The following PRKCE variants were observed in gnomAD, a reference collection of about 807,000 sequenced individuals.
PRKCE encodes the protein protein kinase C epsilon.
A neutral mutation model predicts 85.4 loss-of-function variants in PRKCE; 16 were observed. That is an observed-to-expected ratio of 0.19 (90% confidence interval 0.13 to 0.28). PRKCE has a LOEUF of 0.28. Ranked by LOEUF, PRKCE falls within the 10% of genes least tolerant of loss-of-function variation. PRKCE has a pLI of 1.00. For synonymous variants in PRKCE, 388 were observed against 371.5 expected (o/e 1.04, Z -0.51); for missense variants, 573 against 975.2 (o/e 0.59, Z 5.49).
intron 14 of PRKCE, among the ~76,000 whole-genome samples, chr2:46,172,688 G>A (rs1490979484): frequency 2.0e-5 from 3 of 152,202 alleles, no homozygotes; most frequent in Non-Finnish European, 4.4e-5. Flanking sequence ...TCTACATCCG[G>A]GGGAGTGTTC....
chr2:45,740,382 A>G (rs1171376877), intron 1 of PRKCE, among the ~76,000 whole-genome samples: 2 of 152,206 alleles, frequency 1.3e-5, no homozygotes, highest in Non-Finnish European at 2.9e-5. Flanking sequence ...CCAATTCTGT[A>G]GCAAGAATGA....
rs1704504135 is a variant in PRKCE, at chr2:45,999,603, G to A, written c.824-1801G>A. Among the ~76,000 whole-genome samples the A allele has an allele frequency of 2.0e-5, 3 of 151,916 alleles. No homozygotes were observed. The South Asian group carries it at 6.2e-4, about 32-fold the overall frequency. On this transcript the variant is annotated intron_variant, in intron 6 of 14. Coordinates refer to ENST00000306156, the MANE Select transcript of PRKCE (RefSeq NM_005400.3). ...TTCTTTTTGGCATTTATCCTGTGTGGTGTTCTTCAAGCTTCCTGGAGCTGT... is the reference window on the plus strand; with the variant it reads ...TTCTTTTTGGCATTTATCCTGTGTGATGTTCTTCAAGCTTCCTGGAGCTGT...
At chr2:46,088,599 A>C (rs561420337) in intron 11 of PRKCE, among the ~76,000 whole-genome samples, 1 of 152,216 alleles carries the variant, frequency 6.6e-6, no homozygotes, top group African/African-American at 2.4e-5. Context: ...TGATTTGTGC[A>C]TAATGAATAT....
At chr2:45,935,067 T>TCTCACACACACA (rs34264556) in intron 2 of PRKCE, among the ~76,000 whole-genome samples, 10 of 146,356 alleles carry the variant, frequency 6.8e-5, no homozygotes, top group African/African-American at 2.3e-4. Flanking sequence ...ACTCTCTCTC[T>TCTCACACACACA]CACACACACA....
At chr2:45,820,586 G>A (rs1689450970) in intron 1 of PRKCE, among the ~76,000 whole-genome samples, 2 of 152,174 alleles carry the variant, frequency 1.3e-5, no homozygotes, top group Non-Finnish European at 2.9e-5. Flanking sequence ...ACTCGTGACA[G>A]CAGGAATCAC....
At chr2:45,721,878 T>TAA (rs747265509) in intron 1 of PRKCE, among the ~76,000 whole-genome samples, 1 of 136,244 alleles carries the variant, frequency 7.3e-6, no homozygotes, top group Non-Finnish European at 1.6e-5. Context: ...CCCTGACTCT[T>TAA]AAAAAAAAAA....
rs146922633 is a variant in PRKCE, at chr2:46,055,361, A to C, written c.1438-30847A>C. Among the ~76,000 whole-genome samples the C allele has an allele frequency of 1.6e-3, 242 of 152,296 alleles. 7 individuals are homozygous for C. Among genetic ancestry groups the C allele is most frequent in the Admixed American group, 0.015 (224 of 15,300 alleles). The stretch of plus-strand genomic sequence containing the variant: ...GAACTCAGCGGGACCAGGTGAGTGG[A>C]GTCTGCCCCTGCCAGCACCGAAGCG... On this transcript the variant is annotated intron_variant, in intron 10 of 14. Coordinates refer to ENST00000306156, the MANE Select transcript of PRKCE (RefSeq NM_005400.3).
At chr2:46,174,966 CAG>C (rs1375074945) in intron 14 of PRKCE, among the ~76,000 whole-genome samples, 7 of 152,124 alleles carry the variant, frequency 4.6e-5, no homozygotes, top group African/African-American at 1.7e-4. Context: ...GCTGGGATTA[CAG>C]GCATGAACCA....
intron 1 of PRKCE, among the ~76,000 whole-genome samples, chr2:45,802,643 T>C (rs79103060): frequency 0.036 from 5,463 of 152,238 alleles, 206 homozygotes; most frequent in East Asian, 0.092. Context: ...TCCAGGGAAG[T>C]CAGTCACTTT....
rs1166844604 is a variant in PRKCE, at chr2:46,184,225, C to T, written c.2068-510C>T. ...AAATACTGGAGCACAAAATTGGGTTCGTGGTGAGAGTAAGTGGAAATCGAG... is the reference window on the plus strand; with the variant it reads ...AAATACTGGAGCACAAAATTGGGTTTGTGGTGAGAGTAAGTGGAAATCGAG... On this transcript the variant is annotated intron_variant, in intron 14 of 14. Transcript: ENST00000306156. The surrounding 1 kb of genome is among the most constrained non-coding windows in gnomAD (Gnocchi z 5.0). Among the ~76,000 whole-genome samples the T allele has an allele frequency of 6.6e-6, 1 of 152,028 alleles. No individual in the cohort carries two copies. Among genetic ancestry groups the T allele is most frequent in the East Asian group, 1.9e-4 (1 of 5,196 alleles).
At chr2:45,888,241 G>C (rs1036607624) in intron 2 of PRKCE, among the ~76,000 whole-genome samples, 1 of 152,174 alleles carries the variant, frequency 6.6e-6, no homozygotes, top group Non-Finnish European at 1.5e-5. Context: ...TTAAGCTGTA[G>C]TTGCAACAGC....
intron 10 of PRKCE, among the ~76,000 whole-genome samples, chr2:46,020,932 G>C (rs756493773): frequency 1.3e-5 from 2 of 152,246 alleles, no homozygotes; most frequent in African/African-American, 2.4e-5. Context: ...AGTCCCATGG[G>C]ATGTAGGTAT....
In PRKCE at chr2:46,001,425, G is replaced by A. The variant is rs372163409; in HGVS notation, c.845G>A (p.Arg282His). ...QCKVCKMNVHRRCETNVAPNC... is the reference protein window; with the variant it reads ...QCKVCKMNVHHRCETNVAPNC... ...ACAGTCTGCAAAATGAATGTTCACC[G>A]TCGATGTGAGACCAACGTGGCTCCC... The change falls in exon 7 of 15, where the codon CGT becomes CAT. Residue 282 changes from arginine to histidine, a missense_variant. Physicochemically the swap from Arg to His is conservative, Grantham distance 29. Around this residue, in one of 11 missense-constraint regions of PRKCE, gnomAD observed 55 missense variants for 128.1 expected, o/e 0.43. Transcript: ENST00000306156. The surrounding 1 kb of genome is among the most constrained non-coding windows in gnomAD (Gnocchi z 4.4). 62 of 1,598,988 alleles carry A rather than the reference G, an allele frequency of 3.9e-5. No homozygotes were observed. The highest frequency in any genetic ancestry group is 1.6e-4 in the Middle Eastern group (1 of 6,082).
At chr2:45,964,174 A>G (rs1045163461) in intron 2 of PRKCE, among the ~76,000 whole-genome samples, 2 of 152,070 alleles carry the variant, frequency 1.3e-5, no homozygotes, top group African/African-American at 2.4e-5. Context: ...GTCCCACTCT[A>G]CTCGGCACAT....
chr2:45,803,670 C>G (rs921170370), intron 1 of PRKCE, among the ~76,000 whole-genome samples: 3 of 152,178 alleles, frequency 2.0e-5, no homozygotes, highest in Non-Finnish European at 4.4e-5. Flanking sequence ...TCAAGGACTT[C>G]TTACCATCCT....
chr2:45,823,226 G>A (rs1689679113), intron 1 of PRKCE, among the ~76,000 whole-genome samples: 1 of 152,214 alleles, frequency 6.6e-6, no homozygotes. Context: ...TAAGGCTTGA[G>A]AAGTTTGTCC....
intron 1 of PRKCE, among the ~76,000 whole-genome samples, chr2:45,717,043 AG>A (rs1680185211): frequency 2.5e-4 from 1 of 3,936 alleles, no homozygotes; most frequent in Admixed American, 2.2e-3. Context: ...GGGTACTACA[AG>A]ATGAGATGAG....
At chr2:45,734,165 G>T (rs1681838021) in intron 1 of PRKCE, among the ~76,000 whole-genome samples, 1 of 152,122 alleles carries the variant, frequency 6.6e-6, no homozygotes, top group African/African-American at 2.4e-5. Flanking sequence ...AATAGATTGA[G>T]ACCATCCTGG....
At position 45,987,652 on chromosome 2, in the gene PRKCE, C is replaced by G. The variant is rs1332474386; in HGVS notation, c.823+2972C>G. Among the ~76,000 whole-genome samples, 15 of 152,190 alleles carry G rather than the reference C, an allele frequency of 9.9e-5. 2 individuals carry two copies. In the Middle Eastern group the frequency reaches 0.02, roughly 207 times the overall value. ...CACGTGCACAGCCACGGAACCTGCACAGCACATCATTATCACTCACAGTCT... is the reference window on the plus strand; with the variant it reads ...CACGTGCACAGCCACGGAACCTGCAGAGCACATCATTATCACTCACAGTCT... On this transcript the variant is annotated intron_variant, in intron 6 of 14. Coordinates refer to ENST00000306156, the MANE Select transcript of PRKCE (RefSeq NM_005400.3).
Sources: allele counts gnomAD v4.1 joint callset (sites outside exome capture counted in the v4.1 genomes callset), GRCh38; gene constraint gnomAD v4.1.1; regional missense constraint gnomAD v4.1.1; non-coding constraint Gnocchi (gnomAD v3.1); transcripts MANE v1.5; gene names NCBI Gene and HGNC (gene_info 2026-07-23, HGNC 2026-07-21).